Variants in SLC35F3 observed in about 807,000 individuals in gnomAD.
SLC35F3 encodes solute carrier family 35 member F3, also known as putative thiamine transporter SLC35F3.
A neutral mutation model predicts 49.9 loss-of-function variants in SLC35F3; 25 were observed. The ratio of observed to expected loss-of-function variants is 0.50; its 90% CI spans 0.37 to 0.70. The LOEUF is 0.70. SLC35F3 is among the 30% of genes least tolerant of loss of function. SLC35F3 has a pLI of 0.00. For missense variants in SLC35F3, 525 were observed against 639.8 expected (o/e 0.82, Z 1.94); for synonymous variants, 275 against 265.4 (o/e 1.04, Z -0.35).
chr1:234,173,997 G>T (rs1666439748), intron 2 of SLC35F3, among the ~76,000 whole-genome samples: 1 of 152,188 alleles, frequency 6.6e-6, no homozygotes, highest in Non-Finnish European at 1.5e-5. Flanking sequence ...GGGCTACCTG[G>T]GGAATTAGAA....
At chr1:234,104,933 A>G (rs1665262140) in intron 2 of SLC35F3, among the ~76,000 whole-genome samples, 1 of 152,124 alleles carries the variant, frequency 6.6e-6, no homozygotes, top group African/African-American at 2.4e-5. Context: ...GTTTGAGACC[A>G]GCCTGGCCAA....
intron 3 of SLC35F3, among the ~76,000 whole-genome samples, chr1:234,260,532 C>A (rs1218201850): frequency 6.6e-6 from 1 of 152,136 alleles, no homozygotes; most frequent in African/African-American, 2.4e-5. Context: ...TCATGGTCTT[C>A]CATACTGGGT....
chr1:234,006,927 C>A (rs574765981), intron 2 of SLC35F3, among the ~76,000 whole-genome samples: 1 of 152,250 alleles, frequency 6.6e-6, no homozygotes, highest in African/African-American at 2.4e-5. Flanking sequence ...AACCTTTATT[C>A]TAGACCAGCG....
intron 2 of SLC35F3, among the ~76,000 whole-genome samples, chr1:234,173,661 C>T (rs1185378525): frequency 1.3e-5 from 2 of 152,188 alleles, no homozygotes; most frequent in South Asian, 2.1e-4. Context: ...AATGTGGATT[C>T]GAATGCAAAA....
intron 3 of SLC35F3, among the ~76,000 whole-genome samples, chr1:234,307,291 C>A (rs914007542): frequency 1.3e-5 from 2 of 152,190 alleles, no homozygotes; most frequent in African/African-American, 2.4e-5. Flanking sequence ...GAATGTTTTA[C>A]CTGGCCCCGG....
intron 3 of SLC35F3, among the ~76,000 whole-genome samples, chr1:234,295,022 G>A (rs1668570216): frequency 6.6e-6 from 1 of 152,268 alleles, no homozygotes; most frequent in African/African-American, 2.4e-5. Flanking sequence ...GCCTGAGGCA[G>A]AAACTGAGTT....
At chr1:234,255,880 CA>C (rs1233840951) in intron 3 of SLC35F3, among the ~76,000 whole-genome samples, 1 of 152,080 alleles carries the variant, frequency 6.6e-6, no homozygotes, top group Non-Finnish European at 1.5e-5. Context: ...TTATTTAAAA[CA>C]AAAACAAACC....
At chr1:233,916,814 T>A (rs1424963502) in intron 2 of SLC35F3, among the ~76,000 whole-genome samples, 1 of 152,202 alleles carries the variant, frequency 6.6e-6, no homozygotes, top group Non-Finnish European at 1.5e-5. Flanking sequence ...TAGAAGCCCA[T>A]GGACGAGGCC....
chr1:234,306,736 T>C (rs1338774445), intron 3 of SLC35F3, among the ~76,000 whole-genome samples: 2 of 152,112 alleles, frequency 1.3e-5, no homozygotes, highest in African/African-American at 2.4e-5. Context: ...GGGCCATCAA[T>C]ACCAAGCCAT....
At chr1:234,208,578 G>A (rs1307471377) in intron 2 of SLC35F3, among the ~76,000 whole-genome samples, 1 of 152,192 alleles carries the variant, frequency 6.6e-6, no homozygotes, top group African/African-American at 2.4e-5. Flanking sequence ...GGTGGTCAGA[G>A]AAACTGGGCA....
At chr1:234,129,779 A>T (rs1665705210) in intron 2 of SLC35F3, among the ~76,000 whole-genome samples, 1 of 152,220 alleles carries the variant, frequency 6.6e-6, no homozygotes, top group Non-Finnish European at 1.5e-5. Flanking sequence ...CACTCACTTG[A>T]TTTTTGACAA....
intron 2 of SLC35F3, among the ~76,000 whole-genome samples, chr1:234,152,235 T>C (rs1055114254): frequency 2.0e-5 from 3 of 150,174 alleles, no homozygotes; most frequent in Admixed American, 6.7e-5. Flanking sequence ...TTGTTATTAT[T>C]ATTATTATTA....
rs868814708 is a variant in SLC35F3, at chr1:233,944,689, A to G, written c.283+38931A>G. On this transcript the variant is annotated intron_variant, in intron 2 of 7. Coordinates refer to ENST00000366618, the MANE Select transcript of SLC35F3 (RefSeq NM_173508.4). ...GTATTTCTAGAGGAACACAGGATAA[A>G]TGTTTCTGGTATGAAAGGGTTGGAT... Among the ~76,000 whole-genome samples the G allele has an allele frequency of 1.5e-4, 23 of 152,336 alleles. No homozygotes were observed. In the Middle Eastern group the frequency reaches 0.01, roughly 68 times the overall value.
intron 2 of SLC35F3, among the ~76,000 whole-genome samples, chr1:234,133,872 A>G (rs909615570): frequency 6.6e-6 from 1 of 152,226 alleles, no homozygotes; most frequent in Non-Finnish European, 1.5e-5. Flanking sequence ...CCTGCTATGA[A>G]CAAGAGACTG....
intron 2 of SLC35F3, among the ~76,000 whole-genome samples, chr1:234,209,983 C>T (rs1293824196): frequency 1.3e-5 from 2 of 152,154 alleles, no homozygotes; most frequent in Non-Finnish European, 2.9e-5. Context: ...TGTGTCCCCA[C>T]CCAAATCTCA....
intron 2 of SLC35F3, among the ~76,000 whole-genome samples, chr1:233,912,876 C>A (rs547814274): frequency 6.6e-6 from 1 of 152,330 alleles, no homozygotes; most frequent in Admixed American, 6.5e-5. Context: ...CCATGGGAAG[C>A]AAAACCATGG....
chr1:233,983,176 C>T (rs574508907), intron 2 of SLC35F3, among the ~76,000 whole-genome samples: 5 of 151,378 alleles, frequency 3.3e-5, no homozygotes, highest in Non-Finnish European at 5.9e-5. Context: ...CTCCCTCTGC[C>T]GCCCTCCCTC....
intron 2 of SLC35F3, among the ~76,000 whole-genome samples, chr1:234,071,705 A>C (rs143777883): frequency 2.0e-5 from 3 of 152,364 alleles, no homozygotes; most frequent in African/African-American, 7.2e-5. Flanking sequence ...GGAAGAAAGC[A>C]GCAGAATGCT....
At chr1:234,054,328 CTTTG>C (rs1022914328) in intron 2 of SLC35F3, among the ~76,000 whole-genome samples, 37 of 152,272 alleles carry the variant, frequency 2.4e-4, no homozygotes, top group African/African-American at 5.1e-4. Flanking sequence ...TTCTTGGAGA[CTTTG>C]TTTGTTTCTT....
Sources: gnomAD v4.1 joint callset for allele counts (sites outside exome capture counted in the v4.1 genomes callset) on GRCh38, gnomAD v4.1.1 for gene constraint, MANE v1.5 for transcripts, NCBI Gene and HGNC (gene_info 2026-07-23, HGNC 2026-07-21) for gene names.